LMBRD1: variants seen among roughly 807,000 people sequenced by gnomAD.
The protein encoded by LMBRD1 is LMBR1 domain containing 1.
Under a neutral mutation model 74.8 loss-of-function variants are expected in LMBRD1, and 64 were observed. The ratio of observed to expected loss-of-function variants is 0.86; its 90% CI spans 0.70 to 1.05. LMBRD1 has a LOEUF of 1.05. Ranked by LOEUF, LMBRD1 falls within the 50% of genes least tolerant of loss-of-function variation. The pLI is 0.00. For synonymous variants in LMBRD1, 204 were observed against 216.3 expected, an observed-to-expected ratio of 0.94 and a Z score of 0.50; for missense variants, 652 against 645.9, an observed-to-expected ratio of 1.01 and a Z score of -0.10.
At chr6:69,694,981 A>G (rs1582055306) in intron 14 of LMBRD1, among the ~76,000 whole-genome samples, 1 of 152,224 alleles carries the variant, frequency 6.6e-6, no homozygotes, top group Admixed American at 6.5e-5. Flanking sequence ...CTTTATAGCC[A>G]GTTGAGATAA....
chr6:69,731,480 C>A (rs1766857082), intron 7 of LMBRD1, among the ~76,000 whole-genome samples: 1 of 151,980 alleles, frequency 6.6e-6, no homozygotes, highest in Non-Finnish European at 1.5e-5. Flanking sequence ...AGTTGGTTCC[C>A]ATGTCACAAT....
At position 69,741,977 on chromosome 6, in the gene LMBRD1, T is replaced by C; in HGVS notation, c.474-100A>G. On this transcript the variant is annotated intron_variant, in intron 5 of 15. Transcript: ENST00000649934. The stretch of plus-strand genomic sequence containing the variant: ...ATTTTTCTCCAAAACAATAAATAAA[T>C]AAAATCTGTACTATGCACAGAGGGG... The C allele has an allele frequency of 4.0e-6, 3 of 741,782 alleles. No individual in the cohort carries two copies. The South Asian group carries it at 4.9e-5, about 12-fold the overall frequency. 46.0% of individuals were successfully genotyped at this position (741,782 alleles called of 1,614,324 possible). A position where few individuals can be genotyped will look rare whatever the true frequency, so the allele number is the denominator to read the frequency against.
intron 9 of LMBRD1, chr6:69,705,395 AC>A: frequency 9.9e-7 from 1 of 1,009,990 alleles, no homozygotes. Context: ...TGGGAAGAGA[AC>A]CACCTTTTTC....
rs2502547 is a variant in LMBRD1, at chr6:69,780,818, A to G, written c.247-264T>C. Among the ~76,000 whole-genome samples the G allele has an allele frequency of 0.014, 2,069 of 152,358 alleles. 35 individuals carry two copies. The highest frequency in any genetic ancestry group is 0.079 in the East Asian group (409 of 5,182). On this transcript the variant is annotated intron_variant, in intron 2 of 15. Transcript: ENST00000649934. ...GAGGAATGGCTTCTCAAAAATGACT[A>G]AACTGAGACCTGAAAGGAGGGAGAA...
At chr6:69,760,685 C>A (rs1452173868) in intron 3 of LMBRD1, among the ~76,000 whole-genome samples, 1 of 152,156 alleles carries the variant, frequency 6.6e-6, no homozygotes, top group African/African-American at 2.4e-5. Context: ...TAGTGACTTA[C>A]TGCTAAGGAA....
At chr6:69,730,125 ATTT>A (rs2149863835) in intron 7 of LMBRD1, among the ~76,000 whole-genome samples, 1 of 152,218 alleles carries the variant, frequency 6.6e-6, no homozygotes, top group East Asian at 1.9e-4. Flanking sequence ...CTCCAAATTT[ATTT>A]TGACTTCCAA....
At chr6:69,741,466 A>T (rs887549152) in intron 6 of LMBRD1, among the ~76,000 whole-genome samples, 3 of 151,858 alleles carry the variant, frequency 2.0e-5, no homozygotes, top group Admixed American at 6.6e-5. Flanking sequence ...GCTCACTGCA[A>T]CCTCCACCTC....
At position 69,738,140 on chromosome 6, in the gene LMBRD1, C is replaced by T. The variant is rs1305347915; in HGVS notation, c.563-125G>A. 7 of 686,320 alleles carry T rather than the reference C, an allele frequency of 1.0e-5. No individual in the cohort carries two copies. The East Asian group carries it at 1.4e-4, about 14-fold the overall frequency. The allele number at this position is 686,320 out of a possible 1,614,324, so 42.5% of individuals were successfully genotyped here. On this transcript the variant is annotated intron_variant, in intron 6 of 15. Transcript: ENST00000649934. ...AAGAAATAAAAACCAATATGTATTA[C>T]CGTATTCTTGAAGTGCTAACTCCAA...
chr6:69,707,782 G>C (rs1766293685), intron 9 of LMBRD1, among the ~76,000 whole-genome samples: 1 of 151,996 alleles, frequency 6.6e-6, no homozygotes, highest in Non-Finnish European at 1.5e-5. Context: ...CAGGTACCTA[G>C]AATAGGCAAA....
chr6:69,779,847 A>T (rs1765788089), intron 3 of LMBRD1, among the ~76,000 whole-genome samples: 1 of 152,236 alleles, frequency 6.6e-6, no homozygotes, highest in Non-Finnish European at 1.5e-5. Flanking sequence ...TGTAGGAGTT[A>T]TTAAGAAATT....
intron 8 of LMBRD1, among the ~76,000 whole-genome samples, chr6:69,715,256 A>G (rs1242725035): frequency 6.6e-6 from 1 of 152,118 alleles, no homozygotes; most frequent in Non-Finnish European, 1.5e-5. Flanking sequence ...TCAAAAGGAT[A>G]CTACAAATGA....
intron 12 of LMBRD1, among the ~76,000 whole-genome samples, chr6:69,700,190 T>C (rs567755186): frequency 3.3e-5 from 5 of 152,018 alleles, no homozygotes; most frequent in East Asian, 1.9e-4. Context: ...CAAGCCACTA[T>C]TTAACTGAGT....
intron 7 of LMBRD1, among the ~76,000 whole-genome samples, chr6:69,724,239 A>G (rs1766676661): frequency 6.6e-6 from 1 of 151,262 alleles, no homozygotes; most frequent in South Asian, 2.1e-4. Context: ...TCAAACATTT[A>G]ATGAAGAACT....
rs1228451468 is a variant in LMBRD1, at chr6:69,702,315, CATGAA to C, written c.916-367_916-363del. On this transcript the variant is annotated intron_variant, in intron 9 of 15. Transcript: ENST00000649934. ...CACACACACACACACACCCCAAAAC[CATGAA>C]ATGCAGGTTATATTACCCTGTTAGT... is the stretch of plus-strand genomic sequence containing the variant. Among the ~76,000 whole-genome samples the C allele has an allele frequency of 4.6e-5, 7 of 151,210 alleles. No individual in the cohort carries two copies. In the Admixed American group the frequency reaches 4.6e-4, roughly 10 times the overall value.
chr6:69,675,484 G>T lies in LMBRD1; in HGVS notation c.*674C>A, dbSNP rs1765526474. Among the ~76,000 whole-genome samples the T allele has an allele frequency of 6.6e-6, 1 of 151,498 alleles. No homozygotes were observed. The highest frequency in any genetic ancestry group is 2.1e-4 in the South Asian group (1 of 4,814). ...TCTTGACAATACCCCTATTTATATT[G>T]AAATACACATTTTGAGGTCAGATGC... On this transcript the variant is annotated 3_prime_UTR_variant, in exon 16 of 16. Coordinates refer to ENST00000649934, the MANE Select transcript of LMBRD1 (RefSeq NM_018368.4).
intron 5 of LMBRD1, among the ~76,000 whole-genome samples, chr6:69,747,787 A>C (rs1353587808): frequency 6.6e-6 from 1 of 152,258 alleles, no homozygotes; most frequent in Non-Finnish European, 1.5e-5. Flanking sequence ...GAGCTACATG[A>C]ATTAGTTAAA....
intron 3 of LMBRD1, among the ~76,000 whole-genome samples, chr6:69,775,009 G>A (rs1472297326): frequency 3.1e-4 from 20 of 65,054 alleles, no homozygotes; most frequent in East Asian, 5.8e-4. Context: ...GAGGGAGGGA[G>A]GGAGGGAGGG....
Position 69,718,958 on chromosome 6 carries a change from T to A in LMBRD1, c.760A>T (p.Lys254Ter). Residue 254 changes from lysine to a stop codon, truncating the protein, a stop_gained and splice_region_variant, in exon 8 of 16, where the codon AAA (lysine) becomes TAA (stop). Coordinates refer to ENST00000649934, the MANE Select transcript of LMBRD1 (RefSeq NM_018368.4). LOFTEE classifies it high-confidence loss of function. Reference sequence around the variant, plus strand: ...ATTACACCAAAACATCAACTCACTTTTGATTTAATCGTTTGAATGTGTTGT... The same window carrying A: ...ATTACACCAAAACATCAACTCACTTATGATTTAATCGTTTGAATGTGTTGT... ...VEQHIQTIKS[K>*]SKDGRPLPAR... 6.2e-7 allele frequency: 1 copy of A among 1,613,436 alleles called. No homozygotes were observed. Among genetic ancestry groups the A allele is most frequent in the Non-Finnish European group, 8.5e-7 (1 of 1,179,608 alleles).
rs1157907347 is a variant in LMBRD1, at chr6:69,774,948, T to TGGAAGGAAGGAAGGAAGGAAGGAA, written c.307+5522_307+5545dup. Among the ~76,000 whole-genome samples, 42 of 38,876 alleles carry TGGAAGGAAGGAAGGAAGGAAGGAA rather than the reference T, an allele frequency of 1.1e-3. 3 individuals carry two copies. Among genetic ancestry groups the TGGAAGGAAGGAAGGAAGGAAGGAA allele is most frequent in the Non-Finnish European group, 1.4e-3 (30 of 21,720 alleles). The allele number at this position is 38,876 out of a possible 152,430, so 25.5% of individuals were successfully genotyped here. A position where few individuals can be genotyped will look rare whatever the true frequency, so the allele number is the denominator to read the frequency against. ...CACTCCTGCCCAAAATACAGTGAGA[T>TGGAAGGAAGGAAGGAAGGAAGGAA]GGAAGGAAGGAAGGAAGGAAGGAAG... is the stretch of plus-strand genomic sequence containing the variant. On this transcript the variant is annotated intron_variant, in intron 3 of 15. Transcript: ENST00000649934.
Sources: allele counts gnomAD v4.1 joint callset (sites outside exome capture counted in the v4.1 genomes callset), GRCh38; gene constraint gnomAD v4.1.1; transcripts MANE v1.5; gene names NCBI Gene and HGNC (gene_info 2026-07-23, HGNC 2026-07-21).